The following SLC7A11 variants were observed in gnomAD, a reference collection of about 807,000 sequenced individuals.
SLC7A11 encodes cystine/glutamate transporter.
In SLC7A11, 35 loss-of-function variants were observed where a neutral mutation model predicts 54.5. The observed-to-expected ratio is 0.64, with a 90% confidence interval of 0.49 to 0.85. The LOEUF (loss-of-function observed/expected upper bound fraction) is 0.85, where lower values mean the gene tolerates loss of function less well. Among genes scored for constraint, SLC7A11 ranks in the 40% least tolerant of loss-of-function variants. The pLI is 0.00. For missense variants in SLC7A11, 583 were observed against 618.1 expected (o/e 0.94, Z 0.60); for synonymous variants, 230 against 225.2 (o/e 1.02, Z -0.19).
chr4:138,221,251 T>C (rs1236133705), intron 4 of SLC7A11, among the ~76,000 whole-genome samples: 1 of 152,172 alleles, frequency 6.6e-6, no homozygotes, highest in Non-Finnish European at 1.5e-5. Flanking sequence ...AATTCAGGAA[T>C]ATTTTGGCTA....
At chr4:138,190,360 C>T (rs944152715) in intron 6 of SLC7A11, among the ~76,000 whole-genome samples, 40 of 152,056 alleles carry the variant, frequency 2.6e-4, no homozygotes, top group African/African-American at 9.4e-4. Flanking sequence ...ATACAATTGA[C>T]ATGGAGCTGT....
chr4:138,180,815 TTGG>T, intron 9 of SLC7A11, 25 bp from the exon 10 acceptor site: 2 of 1,601,626 alleles, frequency 1.2e-6, no homozygotes, highest in Non-Finnish European at 1.7e-6. Flanking sequence ...GGAAGCAAGC[TTGG>T]TGAATTCAGT....
chr4:138,167,588 A>G lies in SLC7A11; in HGVS notation c.*4368T>C, dbSNP rs1736300796. The G allele has an allele frequency of 6.6e-6, 1 of 152,246 alleles. No homozygotes were observed. The highest frequency in any genetic ancestry group is 2.1e-4 in the South Asian group (1 of 4,832). The allele number at this position is 152,246 out of a possible 1,614,324, so 9.4% of individuals were successfully genotyped here. ...ATTAAGCTTAAATACACGTATAGGTAATAATTATTTTGCCCATATACAAGT... is the reference window on the plus strand; with the variant it reads ...ATTAAGCTTAAATACACGTATAGGTGATAATTATTTTGCCCATATACAAGT... On this transcript the variant is annotated 3_prime_UTR_variant, in exon 12 of 12. Transcript: ENST00000280612.
chr4:138,238,193 T>C (rs1738287249), intron 1 of SLC7A11, among the ~76,000 whole-genome samples: 1 of 152,184 alleles, frequency 6.6e-6, no homozygotes, highest in Non-Finnish European at 1.5e-5. Context: ...AAACCTCAGT[T>C]TCACTCTCTG....
intron 6 of SLC7A11, among the ~76,000 whole-genome samples, chr4:138,188,836 C>G (rs1200543121): frequency 6.6e-6 from 1 of 152,184 alleles, no homozygotes; most frequent in Non-Finnish European, 1.5e-5. Flanking sequence ...AAAAATGACT[C>G]ACTCTTAACA....
At chr4:138,239,946 G>A (rs77316790) in intron 1 of SLC7A11, among the ~76,000 whole-genome samples, 1,652 of 152,248 alleles carry the variant, frequency 0.011, 28 homozygotes, top group South Asian at 0.013. Context: ...AGATTTAAAG[G>A]CTGAGGGTGC....
rs953811634 is a variant in SLC7A11 at position 138,242,308 on chromosome 4, A to ACTG, written c.-242_-240dup. ...CAATTCTCCACCTCCTCGTTCCACCACTGCTGCTGCTGCTGCTGCTGCCGC... is the reference window on the plus strand; with the variant it reads ...CAATTCTCCACCTCCTCGTTCCACCACTGCTGCTGCTGCTGCTGCTGCTGCCGC... On this transcript the variant is annotated 5_prime_UTR_variant, in exon 1 of 12. Coordinates refer to ENST00000280612, the MANE Select transcript of SLC7A11 (RefSeq NM_014331.4). 8.2e-5 allele frequency: 45 copies of ACTG among 547,492 alleles called. No individual in the cohort carries two copies. In the East Asian group the frequency reaches 8.4e-4, roughly 10 times the overall value. 33.9% of individuals were successfully genotyped at this position (547,492 alleles called of 1,614,324 possible).
At chr4:138,237,573 T>G (rs1418309199) in intron 1 of SLC7A11, among the ~76,000 whole-genome samples, 1 of 148,644 alleles carries the variant, frequency 6.7e-6, no homozygotes, top group East Asian at 2.0e-4. Context: ...AATTTTCATA[T>G]TTTTAGTAGA....
At position 138,232,513 on chromosome 4, in the gene SLC7A11, G is replaced by A. The variant is rs146297980; in HGVS notation, c.405-131C>T. 7.7e-4 allele frequency: 480 copies of A among 623,770 alleles called. 3 individuals are homozygous for A. In the African/African-American group the frequency reaches 7.9e-3, roughly 10 times the overall value. The allele number at this position is 623,770 out of a possible 1,614,324, so 38.6% of individuals were successfully genotyped here. ...GAAAGTCCATAGTTTTCAGAATTCC[G>A]TACTTGATTAGGTTGCCATAGACAT... On this transcript the variant is annotated intron_variant, in intron 2 of 11. Coordinates refer to ENST00000280612, the MANE Select transcript of SLC7A11 (RefSeq NM_014331.4).
At chr4:138,194,401 T>A (rs1737082877) in intron 6 of SLC7A11, among the ~76,000 whole-genome samples, 1 of 152,170 alleles carries the variant, frequency 6.6e-6, no homozygotes, top group Non-Finnish European at 1.5e-5. Context: ...TGTGCATTCA[T>A]TTTGTATTTA....
rs564362095 is a variant in SLC7A11 at position 138,229,461 on chromosome 4, G to A, written c.520+2806C>T. Among the ~76,000 whole-genome samples the A allele has an allele frequency of 2.0e-5, 3 of 152,186 alleles. No homozygotes were observed. The South Asian group carries it at 6.2e-4, about 32-fold the overall frequency. On this transcript the variant is annotated intron_variant, in intron 3 of 11. Coordinates refer to ENST00000280612, the MANE Select transcript of SLC7A11 (RefSeq NM_014331.4). ...ATTATGGGTACACATTTCTTTCTCC[G>A]AATTTCAAGCTTGCAAAAGGAACAT...
intron 1 of SLC7A11, among the ~76,000 whole-genome samples, chr4:138,236,983 CTT>C (rs34896335): frequency 4.4e-4 from 49 of 111,940 alleles, no homozygotes; most frequent in Non-Finnish European, 5.9e-4. Flanking sequence ...TGCAAGATTT[CTT>C]TTTTTTTTTT....
intron 7 of SLC7A11, among the ~76,000 whole-genome samples, chr4:138,184,687 A>G (rs1736833210): frequency 6.6e-6 from 1 of 152,180 alleles, no homozygotes; most frequent in African/African-American, 2.4e-5. Context: ...CCAAATTTAT[A>G]TGGTCCACAT....
At chr4:138,237,716 TATATATATATATATATATATA>T (rs1196784730) in intron 1 of SLC7A11, among the ~76,000 whole-genome samples, 199 of 7,476 alleles carry the variant, frequency 0.027, 4 homozygotes, top group African/African-American at 0.077. Flanking sequence ...TATATATATA[TATATATATATATATATATATA>T]TTTTTTTTTT....
At chr4:138,213,792 T>A (rs1737614657) in intron 6 of SLC7A11, among the ~76,000 whole-genome samples, 1 of 152,146 alleles carries the variant, frequency 6.6e-6, no homozygotes, top group African/African-American at 2.4e-5. Context: ...GTCTTATGCA[T>A]CATGAAAGCT....
chr4:138,207,731 C>A (rs371262308), intron 6 of SLC7A11, among the ~76,000 whole-genome samples: 31 of 152,118 alleles, frequency 2.0e-4, no homozygotes, highest in East Asian at 1.9e-3. Flanking sequence ...AGAAAGAAAG[C>A]AAGCCGCATT....
At chr4:138,222,619 C>T (rs1737842172) in intron 4 of SLC7A11, among the ~76,000 whole-genome samples, 1 of 152,128 alleles carries the variant, frequency 6.6e-6, no homozygotes, top group Non-Finnish European at 1.5e-5. Flanking sequence ...CAAGTAATCG[C>T]AGAAATGCGA....
At chr4:138,237,590 G>T (rs1441921646) in intron 1 of SLC7A11, among the ~76,000 whole-genome samples, 1 of 147,196 alleles carries the variant, frequency 6.8e-6, no homozygotes, top group Non-Finnish European at 1.5e-5. Context: ...TAGAGACAGG[G>T]TTTCACCATG....
chr4:138,224,645 T>C (rs992086261), intron 3 of SLC7A11, among the ~76,000 whole-genome samples: 1 of 152,116 alleles, frequency 6.6e-6, no homozygotes, highest in Non-Finnish European at 1.5e-5. Flanking sequence ...GGAAGGCTAA[T>C]TAAGGTATAT....
Sources: allele counts gnomAD v4.1 joint callset (sites outside exome capture counted in the v4.1 genomes callset), GRCh38; gene constraint gnomAD v4.1.1; transcripts MANE v1.5; gene names NCBI Gene and HGNC (gene_info 2026-07-23, HGNC 2026-07-21).